Variants in CNR1 observed in about 807,000 individuals in gnomAD.
CNR1 encodes the protein cannabinoid receptor 1.
A neutral mutation model predicts 23.0 loss-of-function variants in CNR1; 10 were observed. That is an observed-to-expected ratio of 0.43 (90% CI 0.27 to 0.74). The LOEUF (loss-of-function observed/expected upper bound fraction) is 0.74, where lower values mean the gene tolerates loss of function less well. Ranked by LOEUF, CNR1 falls within the 30% of genes least tolerant of loss-of-function variation. The pLI is 0.19. For synonymous variants in CNR1, 271 were observed against 255.2 expected (o/e 1.06, Z -0.59); for missense variants, 422 against 618.8 (o/e 0.68, Z 3.37).
At chr6:88,156,235 T>G in intron 1 of CNR1, among the ~76,000 whole-genome samples, 1 of 152,168 alleles carries the variant, frequency 6.6e-6, no homozygotes. Flanking sequence ...ATGTGGCTAA[T>G]AGATATAAAG....
chr6:88,143,945 T>C lies in CNR1; in HGVS notation c.1330A>G (p.Arg444Gly), dbSNP rs750464422. The change falls in exon 2 of 2, where the codon AGG (arginine) becomes GGG (glycine). Residue 444 changes from arginine (R) to glycine (G), a missense_variant. Physicochemically the swap from Arg to Gly is moderately radical, Grantham distance 125. This residue lies in a region of CNR1 where 79 missense variants were observed against 98.0 expected (regional missense o/e 0.81). Transcript: ENST00000369501. The part of the protein sequence containing the change: ...KHANNAASVH[R>G]AAESCIKSTV... ...CTCTTGATGCAGCTTTCTGCGGCCC[T>C]GTGAACACTGGCTGCATTGTTTGCG... 1.2e-6 allele frequency: 2 copies of C among 1,614,142 alleles called. No homozygotes were observed. The highest frequency in any genetic ancestry group is 1.7e-6 in the Non-Finnish European group (2 of 1,180,014).
At chr6:88,146,833 T>A (rs1265659825) in intron 1 of CNR1, among the ~76,000 whole-genome samples, 1 of 152,192 alleles carries the variant, frequency 6.6e-6, no homozygotes, top group Non-Finnish European at 1.5e-5. Context: ...AGAACAAATT[T>A]TAAAAATGTT....
chr6:88,157,985 C>T (rs536877782), intron 1 of CNR1, among the ~76,000 whole-genome samples: 3 of 152,184 alleles, frequency 2.0e-5, no homozygotes, highest in African/African-American at 7.2e-5. Flanking sequence ...TGCGTAAATC[C>T]GGGGTTTCCT....
At chr6:88,160,370 C>G (rs1161124644) in intron 1 of CNR1, among the ~76,000 whole-genome samples, 1 of 151,670 alleles carries the variant, frequency 6.6e-6, no homozygotes. Context: ...TATGAATTAC[C>G]TAGTACAAAC....
At chr6:88,150,430 AC>A (rs990292057) in intron 1 of CNR1, among the ~76,000 whole-genome samples, 3 of 151,836 alleles carry the variant, frequency 2.0e-5, no homozygotes, top group Non-Finnish European at 2.9e-5. Context: ...ATATGTATTT[AC>A]CCCCTCTTTG....
intron 1 of CNR1, 127 bp from the exon 2 acceptor site, chr6:88,145,464 A>C (rs541841219): frequency 1.7e-6 from 1 of 577,160 alleles, no homozygotes; most frequent in East Asian, 2.9e-5. Flanking sequence ...GTAGGAGGTC[A>C]AGTTCTCATC....
At chr6:88,150,544 C>T (rs1356745411) in intron 1 of CNR1, among the ~76,000 whole-genome samples, 1 of 152,230 alleles carries the variant, frequency 6.6e-6, no homozygotes, top group Non-Finnish European at 1.5e-5. Flanking sequence ...TAAAACCTCT[C>T]TCTTCATTCA....
chr6:88,159,645 T>C (rs1481288438), intron 1 of CNR1, among the ~76,000 whole-genome samples: 1 of 152,192 alleles, frequency 6.6e-6, no homozygotes, highest in Admixed American at 6.5e-5. Flanking sequence ...TCTTCCAAAG[T>C]CAAATTCCCA....
chr6:88,158,742 A>G (rs1777931707), intron 1 of CNR1, among the ~76,000 whole-genome samples: 1 of 152,240 alleles, frequency 6.6e-6, no homozygotes, highest in African/African-American at 2.4e-5. Flanking sequence ...TTTAAGAAGA[A>G]CTAAGGTTAG....
chr6:88,165,649 C>T (rs1778332157), intron 1 of CNR1, among the ~76,000 whole-genome samples, 154 bp downstream of exon 1: 1 of 152,244 alleles, frequency 6.6e-6, no homozygotes, highest in Admixed American at 6.5e-5. Context: ...TCACAGTTAA[C>T]AGGCTGGGGC....
intron 1 of CNR1, among the ~76,000 whole-genome samples, chr6:88,153,869 T>A (rs557713769): frequency 1.3e-5 from 2 of 152,364 alleles, no homozygotes; most frequent in East Asian, 3.9e-4. Context: ...TCCACTCCAG[T>A]TGAATGGGCA....
At chr6:88,156,020 C>T (rs1189276501) in intron 1 of CNR1, among the ~76,000 whole-genome samples, 3 of 152,118 alleles carry the variant, frequency 2.0e-5, no homozygotes, top group African/African-American at 7.2e-5. Flanking sequence ...AATTCAAACA[C>T]TCAAAATCAC....
intron 1 of CNR1, among the ~76,000 whole-genome samples, chr6:88,146,675 T>C (rs114042350): frequency 0.028 from 4,270 of 152,354 alleles, 187 homozygotes; most frequent in African/African-American, 0.098. Context: ...TTCATTTCTT[T>C]AGTTTATTTT....
chr6:88,160,494 G>A (rs1434845379), intron 1 of CNR1, among the ~76,000 whole-genome samples: 1 of 149,622 alleles, frequency 6.7e-6, no homozygotes, highest in Non-Finnish European at 1.5e-5. Flanking sequence ...GAGTGCTGTG[G>A]AGTGATCTTG....
rs760257711 is a variant in CNR1 at position 88,144,204 on chromosome 6, G to T, written c.1071C>A (p.Gly357=). The T allele has an allele frequency of 2.5e-6, 4 of 1,612,542 alleles. No homozygotes were observed. The African/African-American group carries it at 5.3e-5, about 22-fold the overall frequency. ...CATACACCATGATTGCAAGCAGAGGGCCCCAGCAGATGATCAACACCACCA... is the reference window on the plus strand; with the variant it reads ...CATACACCATGATTGCAAGCAGAGGTCCCCAGCAGATGATCAACACCACCA... ...LILVVLIICW[G]PLLAIMVYDV... is the part of the protein sequence containing the mutation. Residue 357 remains glycine, a synonymous_variant, in exon 2 of 2, where the codon GGC becomes GGA. Transcript: ENST00000369501. This position sits in a 1 kb window ranked among gnomAD's most constrained non-coding sequence, Gnocchi z 7.8.
rs201816774 is a variant in CNR1, at chr6:88,144,576, G to T, written c.699C>A (p.Ala233=). The part of the protein sequence containing the change: ...AYKRIVTRPK[A]VVAFCLMWTI... ...TCCACATCAGGCAAAACGCCACCACGGCCTTGGGCCTGGTGACAATCCTCT... is the reference window on the plus strand; with the variant it reads ...TCCACATCAGGCAAAACGCCACCACTGCCTTGGGCCTGGTGACAATCCTCT... The change falls in exon 2 of 2, where the codon GCC becomes GCA. Residue 233 remains alanine (A), a synonymous_variant. Coordinates refer to ENST00000369501, the MANE Select transcript of CNR1 (RefSeq NM_016083.6). This position sits in a 1 kb window ranked among gnomAD's most constrained non-coding sequence, Gnocchi z 7.8. The T allele has an allele frequency of 9.9e-6, 16 of 1,614,074 alleles. No homozygotes were observed. Among genetic ancestry groups the T allele is most frequent in the Admixed American group, 5.0e-5 (3 of 60,014 alleles).
Position 88,144,320 on chromosome 6 carries a change from T to G in CNR1, c.955A>C (p.Ile319Leu). ...IQRGTQKSII[I>L]HTSEDGKVQV... The stretch of plus-strand genomic sequence containing the variant: ...ACCTTCCCATCCTCAGACGTGTGGA[T>G]GATGATGCTCTTCTGGGTGCCACGC... Residue 319 changes from isoleucine (I) to leucine (L), a missense_variant, in exon 2 of 2, where the codon ATC (isoleucine) becomes CTC (leucine). Physicochemically the swap from Ile to Leu is conservative, Grantham distance 5. Around this residue, in one of 4 missense-constraint regions of CNR1, gnomAD observed 211 missense variants for 357.3 expected, o/e 0.59. Coordinates refer to ENST00000369501, the MANE Select transcript of CNR1 (RefSeq NM_016083.6). This position sits in a 1 kb window ranked among gnomAD's most constrained non-coding sequence, Gnocchi z 7.8. 1 of 1,613,166 alleles carries G rather than the reference T, an allele frequency of 6.2e-7. No homozygotes were observed. The highest frequency in any genetic ancestry group is 8.5e-7 in the Non-Finnish European group (1 of 1,179,998).
At position 88,152,460 on chromosome 6, in the gene CNR1, A is replaced by G. The variant is rs75672447; in HGVS notation, c.-63-7123T>C. ...AACATGTTTCTGTGACTTACTTTAGATTAAGATCACCGCAAGTGTGATCAC... is the reference window on the plus strand; with the variant it reads ...AACATGTTTCTGTGACTTACTTTAGGTTAAGATCACCGCAAGTGTGATCAC... On this transcript the variant is annotated intron_variant, in intron 1 of 1. Transcript: ENST00000369501. 5.9e-3 allele frequency among the ~76,000 whole-genome samples: 904 copies of G among 152,334 alleles called. 13 individuals carry two copies. Among genetic ancestry groups the G allele is most frequent in the African/African-American group, 0.021 (868 of 41,582 alleles).
chr6:88,153,975 A>G (rs1777663406), intron 1 of CNR1, among the ~76,000 whole-genome samples: 1 of 152,244 alleles, frequency 6.6e-6, no homozygotes. Flanking sequence ...AAAGTGAAAT[A>G]ACTGATTGAC....
Sources: allele counts gnomAD v4.1 joint callset (sites outside exome capture counted in the v4.1 genomes callset), GRCh38; gene constraint gnomAD v4.1.1; regional missense constraint gnomAD v4.1.1; non-coding constraint Gnocchi (gnomAD v3.1); transcripts MANE v1.5; gene names NCBI Gene and HGNC (gene_info 2026-07-23, HGNC 2026-07-21).